The following CERS3 variants were observed in gnomAD, a reference collection of about 807,000 sequenced individuals.
The protein encoded by CERS3 is ceramide synthase 3.
A neutral mutation model predicts 50.3 loss-of-function variants in CERS3; 33 were observed. The observed-to-expected ratio is 0.66, with a 90% CI of 0.50 to 0.88. The LOEUF is 0.88. Ranked by LOEUF, CERS3 falls within the 40% of genes least tolerant of loss-of-function variation. The pLI is 0.00. For synonymous variants in CERS3, 176 were observed against 155.2 expected (o/e 1.13, Z -0.99); for missense variants, 470 against 460.3 (o/e 1.02, Z -0.19).
chr15:100,507,857 G>A (rs1214643251), intron 2 of CERS3, among the ~76,000 whole-genome samples: 1 of 152,274 alleles, frequency 6.6e-6, no homozygotes, highest in Non-Finnish European at 1.5e-5. Flanking sequence ...TGCTGCTGAG[G>A]AAAAGATAGT....
At chr15:100,413,319 C>A (rs1391149390) in intron 11 of CERS3, among the ~76,000 whole-genome samples, 1 of 152,000 alleles carries the variant, frequency 6.6e-6, no homozygotes, top group Non-Finnish European at 1.5e-5. Context: ...ATAATCATAG[C>A]AAGACAGAGG....
At chr15:100,497,896 C>CACACTT (rs1306094824) in intron 3 of CERS3, among the ~76,000 whole-genome samples, 6 of 63,616 alleles carry the variant, frequency 9.4e-5, no homozygotes, top group Admixed American at 3.5e-4. Flanking sequence ...CACACACACA[C>CACACTT]TTTTTTTTTT....
At chr15:100,420,804 G>C (rs2032367715) in intron 11 of CERS3, among the ~76,000 whole-genome samples, 1 of 151,980 alleles carries the variant, frequency 6.6e-6, no homozygotes, top group African/African-American at 2.4e-5. Flanking sequence ...ATGTAATCCA[G>C]CATATAAACA....
chr15:100,515,050 G>A (rs1250756380), intron 2 of CERS3, among the ~76,000 whole-genome samples: 2 of 152,112 alleles, frequency 1.3e-5, no homozygotes, highest in African/African-American at 2.4e-5. Context: ...GAAAGCCAGT[G>A]TTTTTCCAAT....
At chr15:100,468,474 C>T (rs1567640782) in intron 10 of CERS3, among the ~76,000 whole-genome samples, 1 of 152,300 alleles carries the variant, frequency 6.6e-6, no homozygotes, top group East Asian at 1.9e-4. Context: ...GCATTGACCT[C>T]TCTGGCTGGA....
intron 11 of CERS3, among the ~76,000 whole-genome samples, chr15:100,411,452 G>A (rs953826671): frequency 6.6e-6 from 1 of 152,100 alleles, no homozygotes; most frequent in Non-Finnish European, 1.5e-5. Context: ...GTGAGCCACC[G>A]TGCCTGGCCA....
At chr15:100,437,022 C>T (rs1426096541) in intron 11 of CERS3, among the ~76,000 whole-genome samples, 1 of 150,764 alleles carries the variant, frequency 6.6e-6, no homozygotes, top group Non-Finnish European at 1.5e-5. Flanking sequence ...CCACTCACTG[C>T]AAGCTCCGCC....
chr15:100,525,745 A>C (rs1212591940), intron 1 of CERS3, among the ~76,000 whole-genome samples: 4 of 152,234 alleles, frequency 2.6e-5, no homozygotes, highest in African/African-American at 4.8e-5. Flanking sequence ...TCATCATTGT[A>C]AATTCCAGCT....
chr15:100,455,861 A>T, intron 11 of CERS3, 32 bp downstream of exon 11: 1 of 1,501,412 alleles, frequency 6.7e-7, no homozygotes, highest in Non-Finnish European at 9.0e-7. Context: ...TGGCAATGAC[A>T]TTAAGAGCAA....
chr15:100,532,886 G>T (rs898711464), upstream of CERS3, among the ~76,000 whole-genome samples: 5 of 152,070 alleles, frequency 3.3e-5, no homozygotes, highest in African/African-American at 1.2e-4. Context: ...CATATCCCTG[G>T]ATCAATACCT....
intron 11 of CERS3, among the ~76,000 whole-genome samples, chr15:100,406,309 A>C (rs2031020430): frequency 6.6e-6 from 1 of 152,332 alleles, no homozygotes; most frequent in African/African-American, 2.4e-5. Context: ...GTTTCTTCTC[A>C]CATCATTTTT....
intron 11 of CERS3, among the ~76,000 whole-genome samples, chr15:100,416,126 A>AT (rs1299463851): frequency 8.9e-4 from 90 of 101,414 alleles, no homozygotes; most frequent in Middle Eastern, 5.4e-3. Context: ...TCACAGAATT[A>AT]GAAAAATTAT....
chr15:100,427,908 G>A (rs2032915854), intron 11 of CERS3, among the ~76,000 whole-genome samples: 1 of 152,134 alleles, frequency 6.6e-6, no homozygotes, highest in Non-Finnish European at 1.5e-5. Context: ...AAGGTAAAGA[G>A]GTCAGGTGGT....
chr15:100,531,239 C>T (rs2036931952), upstream of CERS3, among the ~76,000 whole-genome samples: 1 of 152,212 alleles, frequency 6.6e-6, no homozygotes, highest in Middle Eastern at 3.2e-3. Flanking sequence ...AGTTCTATAA[C>T]TCCTGTTAAT....
Position 100,412,140 on chromosome 15 carries a change from T to C in CERS3, c.1000-9275A>G, listed in dbSNP as rs534575086. 5.9e-5 allele frequency among the ~76,000 whole-genome samples: 9 copies of C among 152,362 alleles called. No homozygotes were observed. In the South Asian group the frequency reaches 8.3e-4, roughly 14 times the overall value. ...CATGAAGTCAAATTTGCCCATTTTT[T>C]CATTTATTGTCTGTGCCTTTAGTGT... is the stretch of plus-strand genomic sequence containing the variant. On this transcript the variant is annotated intron_variant, in intron 11 of 11. Transcript: ENST00000679737.
intron 11 of CERS3, among the ~76,000 whole-genome samples, chr15:100,431,933 G>A (rs2033156396): frequency 6.6e-6 from 1 of 152,184 alleles, no homozygotes; most frequent in African/African-American, 2.4e-5. Context: ...CTTCTTTACG[G>A]TGTGAGTAGT....
intron 3 of CERS3, among the ~76,000 whole-genome samples, chr15:100,492,174 G>A (rs558505605): frequency 6.6e-6 from 1 of 152,162 alleles, no homozygotes; most frequent in Non-Finnish European, 1.5e-5. Context: ...GTGTATTCTG[G>A]TGTTGTTGAG....
intron 1 of CERS3, among the ~76,000 whole-genome samples, chr15:100,538,859 A>T (rs530376132): frequency 3.9e-5 from 6 of 152,240 alleles, no homozygotes; most frequent in African/African-American, 1.4e-4. Context: ...CAAGCTGCAA[A>T]TTTTCTGAGC....
chr15:100,415,446 T>C (rs1045312851), intron 11 of CERS3, among the ~76,000 whole-genome samples: 1 of 152,206 alleles, frequency 6.6e-6, no homozygotes, highest in African/African-American at 2.4e-5. Context: ...TTACTGGGCA[T>C]ATACCCAAAG....
Sources: gnomAD v4.1 joint callset for allele counts (sites outside exome capture counted in the v4.1 genomes callset) on GRCh38, gnomAD v4.1.1 for gene constraint, MANE v1.5 for transcripts, NCBI Gene and HGNC (gene_info 2026-07-23, HGNC 2026-07-21) for gene names.